Variants in MARCHF3 observed in about 807,000 individuals in gnomAD.
MARCHF3 encodes membrane associated ring-CH-type finger 3, also known as E3 ubiquitin-protein ligase MARCHF3.
In MARCHF3, 13 loss-of-function variants were observed where a neutral mutation model predicts 24.2. The ratio of observed to expected loss-of-function variants is 0.54; its 90% confidence interval spans 0.35 to 0.85. MARCHF3 has a LOEUF of 0.85. Ranked by LOEUF, MARCHF3 falls within the 40% of genes least tolerant of loss-of-function variation. The pLI, the probability that MARCHF3 is intolerant of heterozygous loss-of-function variation, is 0.01. For synonymous variants in MARCHF3, 144 were observed against 137.3 expected (o/e 1.05, Z -0.34); for missense variants, 276 against 325.0 (o/e 0.85, Z 1.16).
intron 3 of MARCHF3, among the ~76,000 whole-genome samples, chr5:126,905,827 C>T (rs1162021286): frequency 2.6e-5 from 4 of 152,030 alleles, no homozygotes; most frequent in Non-Finnish European, 5.9e-5. Context: ...TGCCTAATTG[C>T]CCTGGCCAGA....
intron 3 of MARCHF3, among the ~76,000 whole-genome samples, chr5:126,903,573 AAAACC>A (rs1469825429): frequency 6.6e-6 from 1 of 152,092 alleles, no homozygotes; most frequent in Non-Finnish European, 1.5e-5. Flanking sequence ...ATTAAAAATC[AAAACC>A]AAACCAAATC....
At chr5:126,896,352 G>A (rs1360909438) in intron 3 of MARCHF3, among the ~76,000 whole-genome samples, 1 of 152,082 alleles carries the variant, frequency 6.6e-6, no homozygotes, top group African/African-American at 2.4e-5. Context: ...CATTCTTAAG[G>A]GGTAAGGGGT....
chr5:126,940,856 T>C (rs1749804683), intron 1 of MARCHF3, among the ~76,000 whole-genome samples: 1 of 152,174 alleles, frequency 6.6e-6, no homozygotes, highest in Non-Finnish European at 1.5e-5. Context: ...GTATATGAGA[T>C]GTTTTGAAAC....
intron 3 of MARCHF3, among the ~76,000 whole-genome samples, chr5:126,900,959 G>A (rs1019162303): frequency 6.6e-6 from 1 of 151,994 alleles, no homozygotes; most frequent in Non-Finnish European, 1.5e-5. Flanking sequence ...ACCCGCCTCA[G>A]GCTTCCAAAG....
chr5:126,953,702 A>C (rs1213175552), intron 1 of MARCHF3, among the ~76,000 whole-genome samples: 2 of 152,146 alleles, frequency 1.3e-5, no homozygotes, highest in Non-Finnish European at 1.5e-5. Context: ...TTGTGTTCAA[A>C]ATTTCATAAG....
chr5:126,969,296 A>C (rs1750918471), intron 1 of MARCHF3, among the ~76,000 whole-genome samples: 2 of 152,198 alleles, frequency 1.3e-5, no homozygotes, highest in African/African-American at 4.8e-5. Context: ...GGATGATTGG[A>C]ACTTTTTTTG....
intron 3 of MARCHF3, among the ~76,000 whole-genome samples, chr5:126,913,273 T>C (rs1278683295): frequency 6.6e-6 from 1 of 152,220 alleles, no homozygotes; most frequent in Non-Finnish European, 1.5e-5. Context: ...AAAAGATCGC[T>C]GGATAGAGTC....
At chr5:126,913,662 G>C (rs944345808) in intron 3 of MARCHF3, among the ~76,000 whole-genome samples, 3 of 152,240 alleles carry the variant, frequency 2.0e-5, no homozygotes, top group Non-Finnish European at 4.4e-5. Flanking sequence ...CATTTGGCAA[G>C]TAAGTCATAA....
At chr5:126,979,801 A>C (rs1051506009) in intron 1 of MARCHF3, among the ~76,000 whole-genome samples, 1 of 151,924 alleles carries the variant, frequency 6.6e-6, no homozygotes, top group Non-Finnish European at 1.5e-5. Flanking sequence ...ATACAAAATT[A>C]GTCAGGTTTG....
intron 1 of MARCHF3, among the ~76,000 whole-genome samples, chr5:127,006,198 G>A (rs1445346683): frequency 2.4e-5 from 3 of 126,502 alleles, no homozygotes; most frequent in East Asian, 4.9e-4. Context: ...GTGAGGCTCT[G>A]TCAAAAAAAA....
chr5:126,903,112 G>C (rs1039864688), intron 3 of MARCHF3, among the ~76,000 whole-genome samples: 1 of 151,960 alleles, frequency 6.6e-6, no homozygotes, highest in African/African-American at 2.4e-5. Flanking sequence ...CAGTAGGTTC[G>C]GTCTATAATA....
At chr5:127,000,262 G>GA (rs940503578) in intron 1 of MARCHF3, among the ~76,000 whole-genome samples, 52 of 147,900 alleles carry the variant, frequency 3.5e-4, no homozygotes, top group Non-Finnish European at 4.9e-4. Flanking sequence ...AGATCTTTTT[G>GA]AAAAAAAAAT....
chr5:126,928,503 A>G (rs961226929), intron 1 of MARCHF3, among the ~76,000 whole-genome samples: 50 of 152,298 alleles, frequency 3.3e-4, no homozygotes, highest in Admixed American at 3.1e-3. Context: ...AAAATGTTCA[A>G]TTCTCAGATA....
intron 1 of MARCHF3, among the ~76,000 whole-genome samples, chr5:126,920,291 A>AGAT (rs1561427941): frequency 6.6e-6 from 1 of 152,156 alleles, no homozygotes; most frequent in Non-Finnish European, 1.5e-5. Flanking sequence ...AAAAACAAAG[A>AGAT]GATGTTAAAA....
At chr5:126,938,607 C>T (rs967974995) in intron 1 of MARCHF3, among the ~76,000 whole-genome samples, 9 of 151,868 alleles carry the variant, frequency 5.9e-5, no homozygotes, top group African/African-American at 1.9e-4. Flanking sequence ...TAGTATTTCC[C>T]AAGTCTCACA....
rs1266747986 is a variant in MARCHF3, at chr5:126,917,844, G to A, written c.188+140C>T. 6 of 777,612 alleles carry A rather than the reference G, an allele frequency of 7.7e-6. No individual in the cohort carries two copies. In the East Asian group the frequency reaches 1.7e-4, roughly 22 times the overall value. 48.2% of individuals were successfully genotyped at this position (777,612 alleles called of 1,614,324 possible). A position where few individuals can be genotyped will look rare whatever the true frequency, so the allele number is the denominator to read the frequency against. On this transcript the variant is annotated intron_variant, in intron 2 of 4. Coordinates refer to ENST00000308660, the MANE Select transcript of MARCHF3 (RefSeq NM_178450.5). The stretch of plus-strand genomic sequence containing the variant: ...AAACGGCAATAACAGAACTCGTGTA[G>A]TCTTTTTTTTTTTTTTCCAGCACCT...
intron 1 of MARCHF3, among the ~76,000 whole-genome samples, chr5:126,965,638 A>C (rs1750781771): frequency 6.6e-6 from 1 of 152,232 alleles, no homozygotes; most frequent in Non-Finnish European, 1.5e-5. Flanking sequence ...GGTTTACCTA[A>C]GTACAAGGTG....
At chr5:126,962,557 A>G (rs1750672227) in intron 1 of MARCHF3, among the ~76,000 whole-genome samples, 1 of 152,140 alleles carries the variant, frequency 6.6e-6, no homozygotes, top group Admixed American at 6.6e-5. Flanking sequence ...GGAAAATTTC[A>G]TACCTGACAC....
chr5:126,917,136 A>G (rs1748889460), intron 2 of MARCHF3, among the ~76,000 whole-genome samples: 1 of 152,148 alleles, frequency 6.6e-6, no homozygotes, highest in South Asian at 2.1e-4. Context: ...CCTATGTTAG[A>G]GGTCAGAAGT....
Sources: gnomAD v4.1 joint callset for allele counts (sites outside exome capture counted in the v4.1 genomes callset) on GRCh38, gnomAD v4.1.1 for gene constraint, MANE v1.5 for transcripts, NCBI Gene and HGNC (gene_info 2026-07-23, HGNC 2026-07-21) for gene names.